The following ARHGEF17 variants were observed in gnomAD, a reference collection of about 807,000 sequenced individuals.
The protein encoded by ARHGEF17 is 164 kDa Rho-specific guanine-nucleotide exchange factor.
ARHGEF17 carries 80 observed loss-of-function variants against 174.0 expected under a neutral mutation model. The ratio of observed to expected loss-of-function variants is 0.46; its 90% CI spans 0.38 to 0.55. The LOEUF is 0.55. ARHGEF17 is among the 20% of genes least tolerant of loss of function. The probability of loss-of-function intolerance (pLI) is 0.00; values close to 1 mark genes in which losing one functional copy is unlikely to be tolerated. For synonymous variants in ARHGEF17, 1,311 were observed against 1,189.1 expected, an observed-to-expected ratio of 1.10 and a Z score of -2.11; for missense variants, 2,886 against 2,839.7, an observed-to-expected ratio of 1.02 and a Z score of -0.37.
chr11:73,316,230 A>C (rs1378172187), intron 1 of ARHGEF17, among the ~76,000 whole-genome samples: 3 of 152,196 alleles, frequency 2.0e-5, no homozygotes, highest in African/African-American at 7.2e-5. Context: ...GTGCAGTAAA[A>C]GTTTGTTTCA....
In ARHGEF17 at chr11:73,310,617, G is replaced by A. The variant is rs1159748325; in HGVS notation, c.1979G>A (p.Cys660Tyr). The A allele has an allele frequency of 1.2e-6, 2 of 1,614,024 alleles. No homozygotes were observed. Among genetic ancestry groups the A allele is most frequent in the East Asian group, 2.2e-5 (1 of 44,896 alleles). ...CCTGAGCCTCCTGTTGCAGCATTTT[G>A]CGGCCTGGGTACCACAGGGATGTGG... ...ADPEPPVAAF[C>Y]GLGTTGMWRP... The change falls in exon 1 of 21, where the codon TGC becomes TAC. Residue 660 changes from cysteine (C) to tyrosine (Y), a missense_variant. By Grantham distance (194) the Cys-to-Tyr change is radical. Transcript: ENST00000263674.
In ARHGEF17 at chr11:73,309,011, A is replaced by C. The variant is rs776749053; in HGVS notation, c.373A>C (p.Ser125Arg). Residue 125 changes from serine (S) to arginine (R), a missense_variant, in exon 1 of 21, where the codon AGC becomes CGC. This residue lies in a region of ARHGEF17 where 1,728 missense variants were observed against 1,461.2 expected (regional missense o/e 1.18). Coordinates refer to ENST00000263674, the MANE Select transcript of ARHGEF17 (RefSeq NM_014786.4). ...AEGPARGAWP[S>R]VTEMRKLFGG... ...GGGCCCAGCGCGAGGAGCCTGGCCCAGCGTCACCGAGATGCGCAAGCTCTT... is the reference window on the plus strand; with the variant it reads ...GGGCCCAGCGCGAGGAGCCTGGCCCCGCGTCACCGAGATGCGCAAGCTCTT... The C allele has an allele frequency of 9.2e-6, 13 of 1,408,252 alleles. No individual in the cohort carries two copies. Among genetic ancestry groups the C allele is most frequent in the African/African-American group, 1.5e-5 (1 of 65,690 alleles). 87.2% of individuals were successfully genotyped at this position (1,408,252 alleles called of 1,614,324 possible).
chr11:73,339,255 C>T (rs1865331941), intron 1 of ARHGEF17, among the ~76,000 whole-genome samples: 1 of 152,286 alleles, frequency 6.6e-6, no homozygotes, highest in African/African-American at 2.4e-5. Context: ...TGCTTGGCAT[C>T]TAATAGGTGC....
At chr11:73,334,991 G>A (rs538901297) in intron 1 of ARHGEF17, among the ~76,000 whole-genome samples, 1 of 152,352 alleles carries the variant, frequency 6.6e-6, no homozygotes, top group East Asian at 1.9e-4. Context: ...TGCTGAGCCA[G>A]TGTTAGACAT....
At chr11:73,355,172 T>C (rs1865615938) in intron 3 of ARHGEF17, among the ~76,000 whole-genome samples, 1 of 151,978 alleles carries the variant, frequency 6.6e-6, no homozygotes, top group Non-Finnish European at 1.5e-5. Flanking sequence ...ACTCAGAGAA[T>C]GGGGAAAGGG....
intron 11 of ARHGEF17, 61 bp downstream of exon 11, chr11:73,360,594 A>G (rs1223803405): frequency 3.8e-6 from 6 of 1,576,246 alleles, no homozygotes; most frequent in Non-Finnish European, 5.2e-6. Context: ...GGCCAGAGGC[A>G]TCTCACAGCT....
intron 1 of ARHGEF17, among the ~76,000 whole-genome samples, chr11:73,332,717 C>G (rs766471765): frequency 6.6e-6 from 1 of 151,892 alleles, no homozygotes; most frequent in African/African-American, 2.4e-5. Flanking sequence ...TCCTGGGGGG[C>G]GGGAATCCTG....
Position 73,311,576 on chromosome 11 carries a change from C to G in ARHGEF17, c.2938C>G (p.Pro980Ala), listed in dbSNP as rs1298226323. 1 of 1,613,504 alleles carries G rather than the reference C, an allele frequency of 6.2e-7. No individual in the cohort carries two copies. Among genetic ancestry groups the G allele is most frequent in the Admixed American group, 1.7e-5 (1 of 60,000 alleles). ...VVPEPPTSVG[P>A]PVAVPEPIGF... ...GCCTGAGCCACCAACTTCTGTTGGT[C>G]CCCCTGTGGCTGTGCCAGAACCCAT... The change falls in exon 1 of 21, where the codon CCC becomes GCC. Residue 980 changes from proline to alanine, a missense_variant. Pro to Ala is a conservative substitution (Grantham distance 27). This residue lies in a region of ARHGEF17 where 1,728 missense variants were observed against 1,461.2 expected (regional missense o/e 1.18). Transcript: ENST00000263674.
intron 1 of ARHGEF17, among the ~76,000 whole-genome samples, chr11:73,334,448 T>TCA (rs570226759): frequency 1.6e-3 from 248 of 151,668 alleles, no homozygotes; most frequent in Non-Finnish European, 2.7e-3. Flanking sequence ...GGCTGGGAGG[T>TCA]CACACACGTA....
chr11:73,337,527 C>T (rs894204612), intron 1 of ARHGEF17, among the ~76,000 whole-genome samples: 3 of 152,114 alleles, frequency 2.0e-5, no homozygotes, highest in Admixed American at 6.5e-5. Flanking sequence ...TCAAGTGATC[C>T]TCCTACTTCA....
At position 73,356,157 on chromosome 11, in the gene ARHGEF17, TC is replaced by T; in HGVS notation, c.3664-14del. 1 of 1,612,962 alleles carries T rather than the reference TC, an allele frequency of 6.2e-7. No homozygotes were observed. The highest frequency in any genetic ancestry group is 8.5e-7 in the Non-Finnish European group (1 of 1,179,546). ...GGGGTAGCTAAGCAGTCAGGTCTGC[TC>T]CCCATTCCCACCCCAGGACCTCCTG... On this transcript the variant is annotated splice_polypyrimidine_tract_variant and intron_variant, in intron 5 of 20. Transcript: ENST00000263674.
At chr11:73,324,492 G>C (rs1865069790) in intron 1 of ARHGEF17, among the ~76,000 whole-genome samples, 1 of 152,236 alleles carries the variant, frequency 6.6e-6, no homozygotes, top group Admixed American at 6.5e-5. Flanking sequence ...GAAGCTGGCA[G>C]ATGGGCAAAG....
chr11:73,364,760 A>T, intron 18 of ARHGEF17, 160 bp downstream of exon 18: 1 of 869,838 alleles, frequency 1.1e-6, no homozygotes, highest in South Asian at 2.1e-5. Context: ...TCCTCCTTCG[A>T]TCCTCATTTC....
chr11:73,331,042 A>T (rs569581000), intron 1 of ARHGEF17, among the ~76,000 whole-genome samples: 147 of 152,110 alleles, frequency 9.7e-4, no homozygotes, highest in Non-Finnish European at 1.5e-3. Context: ...AGCTATTACC[A>T]TTCTTGGGGA....
chr11:73,331,434 G>A (rs1024076669), intron 1 of ARHGEF17, among the ~76,000 whole-genome samples: 2 of 152,190 alleles, frequency 1.3e-5, no homozygotes, highest in East Asian at 1.9e-4. Flanking sequence ...TGGCCCCAGC[G>A]TAGCCTATAC....
chr11:73,310,164 C>A lies in ARHGEF17; in HGVS notation c.1526C>A (p.Ser509Tyr). ...CCCCTAGATGGCAGAGACTCACCAT[C>A]CGCAGGTGGCCCTGTGGGGCAACTT... ...SNPLDGRDSP[S>Y]AGGPVGQLEP... The change falls in exon 1 of 21, where the codon TCC becomes TAC. Residue 509 changes from serine (S) to tyrosine (Y), a missense_variant. Ser to Tyr is a moderately radical substitution (Grantham distance 144). Coordinates refer to ENST00000263674, the MANE Select transcript of ARHGEF17 (RefSeq NM_014786.4). The A allele has an allele frequency of 1.2e-6, 2 of 1,614,020 alleles. No individual in the cohort carries two copies. The highest frequency in any genetic ancestry group is 1.7e-6 in the Non-Finnish European group (2 of 1,180,002).
chr11:73,360,095 G>A (rs150911251), intron 10 of ARHGEF17, 143 bp downstream of exon 10: 89 of 933,546 alleles, frequency 9.5e-5, no homozygotes, highest in Non-Finnish European at 1.1e-4. Context: ...GCCTCCCTGC[G>A]TATGGGGGAA....
chr11:73,324,344 A>T (rs768492609), intron 1 of ARHGEF17, among the ~76,000 whole-genome samples: 14 of 152,144 alleles, frequency 9.2e-5, no homozygotes, highest in Non-Finnish European at 2.1e-4. Flanking sequence ...ACGTTTATTA[A>T]ATAAATAATG....
intron 1 of ARHGEF17, among the ~76,000 whole-genome samples, chr11:73,316,059 G>T (rs1864924617): frequency 6.6e-6 from 1 of 152,150 alleles, no homozygotes; most frequent in Non-Finnish European, 1.5e-5. Context: ...ACTCGAAGGG[G>T]CTTAGGATGT....
Sources: allele counts gnomAD v4.1 joint callset (sites outside exome capture counted in the v4.1 genomes callset), GRCh38; gene constraint gnomAD v4.1.1; regional missense constraint gnomAD v4.1.1; transcripts MANE v1.5; gene names NCBI Gene and HGNC (gene_info 2026-07-23, HGNC 2026-07-21).